The following IL13RA1 variants were observed in gnomAD, a reference collection of about 807,000 sequenced individuals.
The protein encoded by IL13RA1 is interleukin 13 receptor subunit alpha 1, also known as interleukin-13 receptor subunit alpha-1.
IL13RA1 carries 14 observed loss-of-function variants against 33.8 expected under a neutral mutation model. The ratio of observed to expected loss-of-function variants is 0.41; its 90% confidence interval spans 0.27 to 0.65. The LOEUF (loss-of-function observed/expected upper bound fraction) is 0.65. IL13RA1 is among the 30% of genes least tolerant of loss of function. The pLI, the probability that IL13RA1 is intolerant of heterozygous loss-of-function variation, is 0.28. For missense variants in IL13RA1, 313 were observed against 327.0 expected (o/e 0.96, Z 0.33); for synonymous variants, 116 against 115.7 (o/e 1.00, Z -0.02).
intron 1 of IL13RA1, among the ~76,000 whole-genome samples, chrX:118,739,089 A>G (rs1301834060): frequency 8.9e-6 from 1 of 112,079 alleles, no homozygotes; most frequent in Non-Finnish European, 1.9e-5. Flanking sequence ...TGCCTGGCCT[A>G]TTTTAAGTTC....
At chrX:118,764,323 C>G (rs113115968) in intron 6 of IL13RA1, among the ~76,000 whole-genome samples, 2 of 108,931 alleles carry the variant, frequency 1.8e-5, no homozygotes, top group Non-Finnish European at 3.8e-5. Context: ...CAGGTTGATT[C>G]GGCAAGTTTG....
In IL13RA1 at chrX:118,782,023, T is replaced by C. The variant is rs753561829; in HGVS notation, c.1191+5512T>C. 1.9e-4 allele frequency among the ~76,000 whole-genome samples: 21 copies of C among 112,006 alleles called. No homozygotes were observed. The South Asian group carries it at 7.8e-3, about 42-fold the overall frequency. ...CTTGAATCAGTAATTTCCTTAGGGGTTGGGTTGAATATTACAGTTTTTCTC... is the reference window on the plus strand; with the variant it reads ...CTTGAATCAGTAATTTCCTTAGGGGCTGGGTTGAATATTACAGTTTTTCTC... On this transcript the variant is annotated intron_variant, in intron 10 of 10. Coordinates refer to ENST00000371666, the MANE Select transcript of IL13RA1 (RefSeq NM_001560.3).
At chrX:118,744,317 C>A (rs2147370611) in intron 2 of IL13RA1, among the ~76,000 whole-genome samples, 1 of 111,518 alleles carries the variant, frequency 9.0e-6, no homozygotes, top group South Asian at 3.8e-4. Context: ...AAAAAATTTT[C>A]CCTCTACTGT....
At chrX:118,783,621 G>A (rs1300549470) in intron 10 of IL13RA1, among the ~76,000 whole-genome samples, 3 of 110,638 alleles carry the variant, frequency 2.7e-5, no homozygotes, top group Admixed American at 9.7e-5. Flanking sequence ...CTGTTGTAGT[G>A]TTCACCTCAT....
intron 4 of IL13RA1, 31 bp downstream of exon 4, chrX:118,749,809 CTGAT>C: frequency 9.6e-7 from 1 of 1,038,673 alleles, no homozygotes; most frequent in Non-Finnish European, 1.3e-6. Context: ...TACTGGAAGA[CTGAT>C]TGTAATTGTG....
intron 10 of IL13RA1, among the ~76,000 whole-genome samples, chrX:118,780,331 T>C (rs1256717946): frequency 2.7e-5 from 3 of 112,725 alleles, no homozygotes; most frequent in Non-Finnish European, 5.6e-5. Context: ...TTCCCTTTAA[T>C]TATAAATGTT....
At chrX:118,762,644 A>G (rs1170548226) in intron 6 of IL13RA1, among the ~76,000 whole-genome samples, 2 of 111,490 alleles carry the variant, frequency 1.8e-5, no homozygotes, top group Admixed American at 1.9e-4. Flanking sequence ...TATAATAATC[A>G]TTACTAGTAC....
rs545938586 is a variant in IL13RA1, at chrX:118,760,597, C to G, written c.677-541C>G. ...ATCTGCTAGATACCCCAAATATGTT[C>G]CTTAAATTCATTTTACTAGGCAGTT... On this transcript the variant is annotated intron_variant, in intron 5 of 10. Coordinates refer to ENST00000371666, the MANE Select transcript of IL13RA1 (RefSeq NM_001560.3). Among the ~76,000 whole-genome samples, 25 of 112,264 alleles carry G rather than the reference C, an allele frequency of 2.2e-4. 2 individuals are homozygous for G. The South Asian group carries it at 8.4e-3, about 38-fold the overall frequency.
At chrX:118,728,499 C>T (rs903007850) in intron 1 of IL13RA1, among the ~76,000 whole-genome samples, 2 of 111,994 alleles carry the variant, frequency 1.8e-5, no homozygotes, top group African/African-American at 6.5e-5. Context: ...AGTTAATCAA[C>T]CTGGCAGTTG....
chrX:118,734,780 T>C (rs1047950960), intron 1 of IL13RA1, among the ~76,000 whole-genome samples: 2 of 112,102 alleles, frequency 1.8e-5, no homozygotes, highest in African/African-American at 6.5e-5. Flanking sequence ...TAGTTTTCTT[T>C]TCTTGTAGCG....
chrX:118,773,959 C>T lies in IL13RA1; in HGVS notation c.1090C>T (p.Leu364=). The change falls in exon 9 of 11, where the codon CTG becomes TTG. Residue 364 remains leucine (L), a synonymous_variant. Transcript: ENST00000371666. ...VIVAGAIIVL[L]LYLKRLKIII... ...CGTCGCAGGTGCAATCATAGTACTCCTGCTTTACCTAAAAAGGTAAGGTAG... is the reference window on the plus strand; with the variant it reads ...CGTCGCAGGTGCAATCATAGTACTCTTGCTTTACCTAAAAAGGTAAGGTAG... 2 of 983,539 alleles carry T rather than the reference C, an allele frequency of 2.0e-6. No homozygotes were observed. The highest frequency in any genetic ancestry group is 1.5e-6 in the Non-Finnish European group (1 of 688,577). 81.1% of individuals were successfully genotyped at this position (983,539 alleles called of 1,213,427 possible).
At chrX:118,797,099 T>C (rs1251852054), downstream of IL13RA1, among the ~76,000 whole-genome samples, 1 of 112,108 alleles carries the variant, frequency 8.9e-6, no homozygotes, top group African/African-American at 3.2e-5. Flanking sequence ...ATCCCATCCA[T>C]GACTCCTAAT....
intron 1 of IL13RA1, among the ~76,000 whole-genome samples, chrX:118,735,072 G>A (rs138134895): frequency 1.8e-5 from 2 of 110,226 alleles, no homozygotes; most frequent in South Asian, 3.9e-4. Flanking sequence ...GTTAGTGTAC[G>A]GTTGTTCATA....
chrX:118,787,207 A>C (rs2017928792), intron 10 of IL13RA1, among the ~76,000 whole-genome samples: 1 of 111,671 alleles, frequency 9.0e-6, no homozygotes, highest in African/African-American at 3.3e-5. Flanking sequence ...CGGTCTGATA[A>C]ATAAAGGGAA....
intron 8 of IL13RA1, among the ~76,000 whole-genome samples, chrX:118,772,458 T>G (rs2017733564): frequency 8.9e-6 from 1 of 112,703 alleles, no homozygotes; most frequent in South Asian, 3.6e-4. Context: ...GGAGATAATG[T>G]TAAAAGTCTT....
the IL13RA1 span, among the ~76,000 whole-genome samples, chrX:118,803,775 C>A: frequency 9.0e-6 from 1 of 110,859 alleles, no homozygotes. Context: ...CAAAGTAGCT[C>A]TTTTTCCCTT....
intron 4 of IL13RA1, among the ~76,000 whole-genome samples, chrX:118,752,513 C>G (rs1158525619): frequency 1.8e-5 from 2 of 112,063 alleles, no homozygotes; most frequent in African/African-American, 6.5e-5. Flanking sequence ...TCCAGAAAGC[C>G]TTCCTTGACC....
chrX:118,776,616 T>G (rs1246646051), intron 10 of IL13RA1, 105 bp downstream of exon 10: 7 of 410,603 alleles, frequency 1.7e-5, no homozygotes, highest in Non-Finnish European at 2.9e-5. Flanking sequence ...AACATAAAAT[T>G]TATTATTTTA....
At chrX:118,770,295 C>G (rs769214397) in intron 8 of IL13RA1, 5 of 345,913 alleles carry the variant, frequency 1.4e-5, no homozygotes, top group Admixed American at 6.1e-5. Context: ...TTCAACGACT[C>G]CTCGCTGTGG....
Sources: allele counts gnomAD v4.1 joint callset (sites outside exome capture counted in the v4.1 genomes callset), GRCh38; gene constraint gnomAD v4.1.1; transcripts MANE v1.5; gene names NCBI Gene and HGNC (gene_info 2026-07-23, HGNC 2026-07-21).